XRCC4: variants seen among roughly 807,000 people sequenced by gnomAD.
XRCC4 encodes DNA repair protein XRCC4.
XRCC4 carries 28 observed loss-of-function variants against 39.1 expected under a neutral mutation model. The observed-to-expected ratio is 0.72, with a 90% CI of 0.53 to 0.98. XRCC4 has a LOEUF of 0.98. Ranked by LOEUF, XRCC4 falls within the 50% of genes least tolerant of loss-of-function variation. XRCC4 has a pLI of 0.00. For synonymous variants in XRCC4, 123 were observed against 126.4 expected, an observed-to-expected ratio of 0.97 and a Z score of 0.18; for missense variants, 350 against 376.4, an observed-to-expected ratio of 0.93 and a Z score of 0.58.
chr5:83,258,712 G>T (rs760095737), intron 7 of XRCC4, 35 bp downstream of exon 7: 10 of 1,592,876 alleles, frequency 6.3e-6, no homozygotes, highest in Non-Finnish European at 6.8e-6. Flanking sequence ...GAAGTGAGAT[G>T]ACATTTTTGA....
intron 7 of XRCC4, among the ~76,000 whole-genome samples, chr5:83,276,153 A>G (rs1754323011): frequency 6.6e-6 from 1 of 152,208 alleles, no homozygotes; most frequent in Non-Finnish European, 1.5e-5. Context: ...GATATGTGGT[A>G]CAATACTTCT....
Position 83,108,087 on chromosome 5 carries a change from T to G in XRCC4, c.140-2941T>G, listed in dbSNP as rs748673579. 6.1e-4 allele frequency among the ~76,000 whole-genome samples: 93 copies of G among 151,988 alleles called. 1 individual carries two copies. The highest frequency in any genetic ancestry group is 5.2e-4 in the Admixed American group (8 of 15,244). On this transcript the variant is annotated intron_variant, in intron 2 of 7. Coordinates refer to ENST00000396027, the MANE Select transcript of XRCC4 (RefSeq NM_003401.5). The stretch of plus-strand genomic sequence containing the variant: ...TTAAAGTGAGTCTCAGTCTGACTTC[T>G]ACCAGTTCCTTGTTTTTTGGTCATG...
chr5:83,128,712 C>A (rs1240915646), intron 3 of XRCC4, among the ~76,000 whole-genome samples: 1 of 152,176 alleles, frequency 6.6e-6, no homozygotes, highest in Non-Finnish European at 1.5e-5. Flanking sequence ...ATTTGCATTT[C>A]TCTGATGGCC....
chr5:83,080,107 G>A (rs1240958135), intron 1 of XRCC4, among the ~76,000 whole-genome samples: 1 of 152,158 alleles, frequency 6.6e-6, no homozygotes, highest in Non-Finnish European at 1.5e-5. Context: ...TGGAGAGGAG[G>A]AATTATAATG....
Position 83,236,485 on chromosome 5 carries a change from G to A in XRCC4, c.746-22045G>A, listed in dbSNP as rs182790627. Among the ~76,000 whole-genome samples, 379 of 151,932 alleles carry A rather than the reference G, an allele frequency of 2.5e-3. 2 individuals are homozygous for A. Among genetic ancestry groups the A allele is most frequent in the African/African-American group, 8.8e-3 (365 of 41,482 alleles). On this transcript the variant is annotated intron_variant, in intron 6 of 7. Transcript: ENST00000396027. Reference sequence around the variant, plus strand: ...ACATGGGGAAAAGAACAGTCTCTTTGGTGCTGGGAAAATTGGATATCTATA... The same window carrying A: ...ACATGGGGAAAAGAACAGTCTCTTTAGTGCTGGGAAAATTGGATATCTATA...
intron 7 of XRCC4, among the ~76,000 whole-genome samples, chr5:83,292,843 G>T (rs529951369): frequency 6.6e-6 from 1 of 151,460 alleles, no homozygotes; most frequent in East Asian, 1.9e-4. Context: ...TTCTAGATTG[G>T]ATGACAAAAC....
chr5:83,242,504 G>A lies in XRCC4; in HGVS notation c.746-16026G>A, dbSNP rs150652777. Among the ~76,000 whole-genome samples, 20 of 151,934 alleles carry A rather than the reference G, an allele frequency of 1.3e-4. No homozygotes were observed. The East Asian group carries it at 3.9e-3, about 29-fold the overall frequency. On this transcript the variant is annotated intron_variant, in intron 6 of 7. Coordinates refer to ENST00000396027, the MANE Select transcript of XRCC4 (RefSeq NM_003401.5). ...TTTGTTGCCCAGGCTGGAAAGTCGT[G>A]GTGTGATCATAGTTCACTGCAGCCT...
At chr5:83,213,649 A>G (rs1212211796) in intron 6 of XRCC4, among the ~76,000 whole-genome samples, 1 of 152,200 alleles carries the variant, frequency 6.6e-6, no homozygotes, top group East Asian at 1.9e-4. Context: ...ATGAAATTAT[A>G]CCAATTCCTT....
intron 7 of XRCC4, among the ~76,000 whole-genome samples, chr5:83,333,713 C>G (rs1218571726): frequency 2.0e-5 from 3 of 151,678 alleles, no homozygotes; most frequent in African/African-American, 7.3e-5. Context: ...TAACCACGTT[C>G]TATTTTGGTA....
intron 3 of XRCC4, among the ~76,000 whole-genome samples, chr5:83,117,139 G>C (rs780482859): frequency 6.6e-6 from 1 of 152,022 alleles, no homozygotes; most frequent in African/African-American, 2.4e-5. Context: ...AATGTTGGGC[G>C]AACAGCTACA....
At chr5:83,304,471 C>T (rs1364803723) in intron 7 of XRCC4, among the ~76,000 whole-genome samples, 5 of 152,168 alleles carry the variant, frequency 3.3e-5, no homozygotes, top group Non-Finnish European at 7.3e-5. Flanking sequence ...TAGAATACAC[C>T]TATAAGGCTG....
At chr5:83,081,109 G>C (rs1561311006) in intron 1 of XRCC4, among the ~76,000 whole-genome samples, 1 of 152,088 alleles carries the variant, frequency 6.6e-6, no homozygotes, top group East Asian at 1.9e-4. Context: ...CCTCCTCACG[G>C]GGCCTTGGGA....
chr5:83,331,413 T>C (rs979565725), intron 7 of XRCC4, among the ~76,000 whole-genome samples: 1 of 152,028 alleles, frequency 6.6e-6, no homozygotes, highest in African/African-American at 2.4e-5. Context: ...TGGAGAGGAA[T>C]TGATCAACAG....
At chr5:83,226,267 A>G (rs1481734225) in intron 6 of XRCC4, among the ~76,000 whole-genome samples, 1 of 152,056 alleles carries the variant, frequency 6.6e-6, no homozygotes, top group African/African-American at 2.4e-5. Flanking sequence ...GCAGCAGTTT[A>G]TTAATTGACT....
In XRCC4 at chr5:83,327,489, GTTATT is replaced by G. The variant is rs1204048061; in HGVS notation, c.894-25637_894-25633del. On this transcript the variant is annotated intron_variant, in intron 7 of 7. Transcript: ENST00000396027. ...AATTTCATTATTATTAAATTTAGCTGTTATTTTATGTATTCTTATACAAAAAGGTA... is the reference window on the plus strand; with the variant it reads ...AATTTCATTATTATTAAATTTAGCTGTTATGTATTCTTATACAAAAAGGTA... Among the ~76,000 whole-genome samples the G allele has an allele frequency of 2.8e-5, 3 of 107,800 alleles. No homozygotes were observed. In the East Asian group the frequency reaches 8.1e-4, roughly 29 times the overall value. The allele number at this position is 107,800 out of a possible 152,430, so 70.7% of individuals were successfully genotyped here.
the XRCC4 span, among the ~76,000 whole-genome samples, chr5:83,372,043 T>C: frequency 6.6e-6 from 1 of 152,208 alleles, no homozygotes; most frequent in South Asian, 2.1e-4. Flanking sequence ...CCTGTTGTGA[T>C]AACAACATAA....
At chr5:83,364,897 A>C in the XRCC4 span, among the ~76,000 whole-genome samples, 6 of 152,338 alleles carry the variant, frequency 3.9e-5, no homozygotes, top group African/African-American at 1.4e-4. Flanking sequence ...TGCAGTTTTA[A>C]ATATCTTTTT....
chr5:83,103,781 C>T (rs1214243457), intron 1 of XRCC4, among the ~76,000 whole-genome samples: 2 of 151,966 alleles, frequency 1.3e-5, no homozygotes, highest in African/African-American at 4.8e-5. Context: ...TAATGTTGAG[C>T]AAAAGAAGCC....
At chr5:83,114,482 A>T (rs1746612266) in intron 3 of XRCC4, among the ~76,000 whole-genome samples, 1 of 152,220 alleles carries the variant, frequency 6.6e-6, no homozygotes, top group Admixed American at 6.5e-5. Flanking sequence ...TCTCTGGGGA[A>T]GGGGCAAAAT....
Sources: allele counts gnomAD v4.1 joint callset (sites outside exome capture counted in the v4.1 genomes callset), GRCh38; gene constraint gnomAD v4.1.1; transcripts MANE v1.5; gene names NCBI Gene and HGNC (gene_info 2026-07-23, HGNC 2026-07-21).